SLC25A21: variants seen among roughly 807,000 people sequenced by gnomAD.
SLC25A21 encodes solute carrier family 25 member 21.
SLC25A21 carries 47 observed loss-of-function variants against 43.8 expected under a neutral mutation model. The observed-to-expected ratio is 1.07, with a 90% CI of 0.85 to 1.37. The LOEUF (loss-of-function observed/expected upper bound fraction) is 1.37, where lower values mean the gene tolerates loss of function less well. SLC25A21 is among the 40% of genes most tolerant of loss of function. SLC25A21 has a pLI of 0.00. For synonymous variants in SLC25A21, 131 were observed against 121.3 expected (o/e 1.08, Z -0.52); for missense variants, 352 against 350.2 (o/e 1.00, Z -0.04).
chr14:36,783,763 T>C (rs531668693), intron 3 of SLC25A21, among the ~76,000 whole-genome samples: 18 of 152,314 alleles, frequency 1.2e-4, no homozygotes, highest in African/African-American at 3.8e-4. Flanking sequence ...AAACAAAGTA[T>C]ACTTGTCTGT....
chr14:37,079,146 T>C (rs1028263110), intron 1 of SLC25A21, among the ~76,000 whole-genome samples: 1 of 152,228 alleles, frequency 6.6e-6, no homozygotes, highest in African/African-American at 2.4e-5. Context: ...TTTCATTCTA[T>C]ATACTTGCAG....
intron 1 of SLC25A21, among the ~76,000 whole-genome samples, chr14:37,146,364 A>AC (rs1160187566): frequency 6.6e-6 from 1 of 151,388 alleles, no homozygotes; most frequent in Non-Finnish European, 1.5e-5. Flanking sequence ...TCCCACATCA[A>AC]CCCCCCTAAG....
At chr14:36,753,945 G>GAGAGAC (rs1336036134) in intron 3 of SLC25A21, among the ~76,000 whole-genome samples, 10 of 151,500 alleles carry the variant, frequency 6.6e-5, no homozygotes, top group Non-Finnish European at 1.0e-4. Context: ...GAGAGAGAGA[G>GAGAGAC]AGAGAGAGAG....
At chr14:36,787,721 CTT>C (rs1887302946) in intron 3 of SLC25A21, among the ~76,000 whole-genome samples, 1 of 152,142 alleles carries the variant, frequency 6.6e-6, no homozygotes, top group Admixed American at 6.5e-5. Context: ...AATAAGGAGT[CTT>C]TAAAAATTAT....
At chr14:37,031,954 A>C (rs7153530) in intron 1 of SLC25A21, among the ~76,000 whole-genome samples, 1 of 151,892 alleles carries the variant, frequency 6.6e-6, no homozygotes, top group Non-Finnish European at 1.5e-5. Flanking sequence ...TGGGCTCCTT[A>C]AAGAATTCCC....
chr14:36,786,671 G>A (rs912835998), intron 3 of SLC25A21, among the ~76,000 whole-genome samples: 3 of 152,110 alleles, frequency 2.0e-5, no homozygotes, highest in African/African-American at 7.2e-5. Context: ...GAAGCAAAGA[G>A]GTCCTGTGCA....
At chr14:36,911,927 A>G (rs1294960299) in intron 1 of SLC25A21, among the ~76,000 whole-genome samples, 1 of 152,204 alleles carries the variant, frequency 6.6e-6, no homozygotes. Flanking sequence ...TTTCTAGCCT[A>G]AACTGAAGTT....
intron 1 of SLC25A21, among the ~76,000 whole-genome samples, chr14:37,020,955 A>C (rs1291113771): frequency 1.3e-5 from 2 of 152,032 alleles, no homozygotes; most frequent in African/African-American, 4.8e-5. Flanking sequence ...AAGGCAAATA[A>C]TTAGATTTCC....
chr14:36,687,278 A>G (rs1882598561), intron 7 of SLC25A21, among the ~76,000 whole-genome samples: 1 of 152,074 alleles, frequency 6.6e-6, no homozygotes, highest in Non-Finnish European at 1.5e-5. Context: ...TACATTTCCC[A>G]GCACAACAGT....
At chr14:37,092,876 T>C (rs1001197373) in intron 1 of SLC25A21, among the ~76,000 whole-genome samples, 1 of 152,030 alleles carries the variant, frequency 6.6e-6, no homozygotes, top group Non-Finnish European at 1.5e-5. Flanking sequence ...TTCTGATATA[T>C]TTACATGCAG....
At chr14:36,764,637 C>T (rs865965753) in intron 3 of SLC25A21, among the ~76,000 whole-genome samples, 6 of 148,690 alleles carry the variant, frequency 4.0e-5, no homozygotes, top group Middle Eastern at 7.1e-3. Flanking sequence ...AAAAAAACCA[C>T]GCATGCCCAC....
chr14:36,711,182 G>A, intron 7 of SLC25A21, 136 bp downstream of exon 7: 1 of 760,422 alleles, frequency 1.3e-6, no homozygotes, highest in Non-Finnish European at 2.1e-6. Context: ...AGCACTCAAT[G>A]CAGATGTAAG....
intron 1 of SLC25A21, among the ~76,000 whole-genome samples, chr14:36,960,766 C>T (rs1280303617): frequency 5.3e-5 from 8 of 152,148 alleles, no homozygotes. Context: ...CAGCACCAAA[C>T]ACAGTTATAG....
chr14:36,853,906 C>T (rs893938694), intron 2 of SLC25A21, among the ~76,000 whole-genome samples: 1 of 152,212 alleles, frequency 6.6e-6, no homozygotes, highest in Non-Finnish European at 1.5e-5. Flanking sequence ...ATTTTTCCCC[C>T]TTCTATATAA....
intron 1 of SLC25A21, among the ~76,000 whole-genome samples, chr14:37,047,051 C>T (rs1027628581): frequency 6.6e-6 from 1 of 152,220 alleles, no homozygotes; most frequent in Non-Finnish European, 1.5e-5. Flanking sequence ...AAAGAAATCT[C>T]TCACACAGAC....
At chr14:37,154,793 C>T (rs1485210199) in intron 1 of SLC25A21, among the ~76,000 whole-genome samples, 3 of 151,814 alleles carry the variant, frequency 2.0e-5, no homozygotes, top group Non-Finnish European at 4.4e-5. Flanking sequence ...CAGGCATGCA[C>T]CACCACACCC....
At chr14:36,855,275 T>A (rs367127) in intron 2 of SLC25A21, among the ~76,000 whole-genome samples, 55,980 of 151,342 alleles carry the variant, frequency 0.37, 11,713 homozygotes, top group African/African-American at 0.58. Context: ...TGAGGAGCAA[T>A]CAGCCAAACA....
In SLC25A21 at chr14:36,711,380, C is replaced by G; in HGVS notation, c.541G>C (p.Val181Leu). 1 of 1,614,142 alleles carries G rather than the reference C, an allele frequency of 6.2e-7. No individual in the cohort carries two copies. The highest frequency in any genetic ancestry group is 8.5e-7 in the Non-Finnish European group (1 of 1,180,020). The change falls in exon 7 of 10, where the codon GTT becomes CTT. Residue 181 changes from valine to leucine, a missense_variant. Transcript: ENST00000331299. ...GLTATLGRHG[V>L]FNMVYFGFYY... ...AAGCCAAAATAAACCATGTTGAAAACTCCATGTCGTCCCAAAGTTGCAGTT... is the reference window on the plus strand; with the variant it reads ...AAGCCAAAATAAACCATGTTGAAAAGTCCATGTCGTCCCAAAGTTGCAGTT...
intron 1 of SLC25A21, among the ~76,000 whole-genome samples, chr14:36,915,384 A>T (rs1384186543): frequency 6.6e-6 from 1 of 152,190 alleles, no homozygotes; most frequent in East Asian, 1.9e-4. Context: ...TAGCAGAAGC[A>T]CAGCAAAAGG....
Sources: gnomAD v4.1 joint callset for allele counts (sites outside exome capture counted in the v4.1 genomes callset) on GRCh38, gnomAD v4.1.1 for gene constraint, MANE v1.5 for transcripts, NCBI Gene and HGNC (gene_info 2026-07-23, HGNC 2026-07-21) for gene names.